The following COL27A1 variants were observed in gnomAD, a reference collection of about 807,000 sequenced individuals.
COL27A1 encodes collagen type XXVII alpha 1 chain.
A neutral mutation model predicts 251.3 loss-of-function variants in COL27A1; 106 were observed. The observed-to-expected ratio is 0.42, with a 90% CI of 0.36 to 0.50. The LOEUF is 0.50. COL27A1 is among the 20% of genes least tolerant of loss of function. The pLI is 0.00. For missense variants in COL27A1, 2,325 were observed against 2,522.8 expected, an observed-to-expected ratio of 0.92 and a Z score of 1.68; for synonymous variants, 1,000 against 986.3, an observed-to-expected ratio of 1.01 and a Z score of -0.26.
At chr9:114,176,632 G>A (rs970956954) in intron 3 of COL27A1, among the ~76,000 whole-genome samples, 39 of 152,094 alleles carry the variant, frequency 2.6e-4, no homozygotes, top group African/African-American at 8.7e-4. Context: ...GGGTAAGACT[G>A]GCACCCAGAG....
intron 3 of COL27A1, among the ~76,000 whole-genome samples, chr9:114,177,976 A>G (rs1827599518): frequency 6.6e-6 from 1 of 152,244 alleles, no homozygotes; most frequent in South Asian, 2.1e-4. Flanking sequence ...TAATTCCCCA[A>G]GTAAGATAGC....
At chr9:114,182,978 GT>G (rs1828048476) in intron 4 of COL27A1, 43 bp from the exon 5 acceptor site, 1 of 1,584,652 alleles carries the variant, frequency 6.3e-7, no homozygotes, top group South Asian at 1.1e-5. Context: ...GATGGCCCCT[GT>G]TTTTTGTCAC....
At position 114,309,367 on chromosome 9, in the gene COL27A1, G is replaced by A. The variant is rs1456752771; in HGVS notation, c.5325G>A (p.Glu1775=). 2 of 1,613,990 alleles carry A rather than the reference G, an allele frequency of 1.2e-6. No individual in the cohort carries two copies. Among genetic ancestry groups the A allele is most frequent in the Admixed American group, 3.3e-5 (2 of 60,002 alleles). ...IHCLNMTVWQ[E]GTGQTPAKQA... ...GCCTTAACATGACCGTGTGGCAGGAGGGCACTGGGCAGACCCCAGCCAAGC... is the reference window on the plus strand; with the variant it reads ...GCCTTAACATGACCGTGTGGCAGGAAGGCACTGGGCAGACCCCAGCCAAGC... The change falls in exon 60 of 61, where the codon GAG becomes GAA. Residue 1775 remains glutamate (E), a synonymous_variant. Transcript: ENST00000356083.
intron 10 of COL27A1, among the ~76,000 whole-genome samples, chr9:114,208,266 C>G (rs1047371707): frequency 6.6e-6 from 1 of 152,060 alleles, no homozygotes; most frequent in Non-Finnish European, 1.5e-5. Flanking sequence ...AGCGAAACCC[C>G]GTCTCTACTA....
At chr9:114,198,647 A>C (rs1449823571) in intron 7 of COL27A1, among the ~76,000 whole-genome samples, 1 of 152,208 alleles carries the variant, frequency 6.6e-6, no homozygotes, top group East Asian at 1.9e-4. Flanking sequence ...CACAAGGCTG[A>C]TTGAAACAGT....
chr9:114,205,278 T>G (rs1829870169), intron 8 of COL27A1, 132 bp downstream of exon 8: 2 of 783,284 alleles, frequency 2.6e-6, no homozygotes, highest in East Asian at 5.4e-5. Flanking sequence ...CTCACCCTGC[T>G]GGAGCCCCCA....
intron 58 of COL27A1, chr9:114,306,995 T>C: frequency 3.0e-6 from 1 of 336,890 alleles, no homozygotes; most frequent in Non-Finnish European, 5.6e-6. Context: ...TCCCCCTTTC[T>C]GAGCATGAGG....
rs144778308 is a variant in COL27A1 at position 114,309,408 on chromosome 9, G to A, written c.5366G>A (p.Arg1789Gln). The change falls in exon 60 of 61, where the codon CGG becomes CAG. Residue 1789 changes from arginine to glutamine, a missense_variant. Physicochemically the swap from Arg to Gln is conservative, Grantham distance 43. Coordinates refer to ENST00000356083, the MANE Select transcript of COL27A1 (RefSeq NM_032888.4). ...CCAGCCAAGCAGGCCGTACGCTTCCGGGCCTGGAATGGACAGATTTTTGAA... is the reference window on the plus strand; with the variant it reads ...CCAGCCAAGCAGGCCGTACGCTTCCAGGCCTGGAATGGACAGATTTTTGAA... Reference protein sequence around the residue: ...QTPAKQAVRFRAWNGQIFEAG... With the variant: ...QTPAKQAVRFQAWNGQIFEAG... The A allele has an allele frequency of 3.2e-5, 52 of 1,614,064 alleles. No individual in the cohort carries two copies. The African/African-American group carries it at 4.8e-4, about 15-fold the overall frequency.
Position 114,290,473 on chromosome 9 carries a change from C to A in COL27A1, c.4368+142C>A. The A allele has an allele frequency of 1.3e-6, 1 of 750,176 alleles. No individual in the cohort carries two copies. The highest frequency in any genetic ancestry group is 2.3e-6 in the Non-Finnish European group (1 of 439,184). 46.5% of individuals were successfully genotyped at this position (750,176 alleles called of 1,614,324 possible). Reference sequence around the variant, plus strand: ...ACATCCAGAAGTTCTCTGGGGTGGGCAACCATCTCCTCCCCTGGCACCTGG... The same window carrying A: ...ACATCCAGAAGTTCTCTGGGGTGGGAAACCATCTCCTCCCCTGGCACCTGG... On this transcript the variant is annotated intron_variant, in intron 47 of 60. Coordinates refer to ENST00000356083, the MANE Select transcript of COL27A1 (RefSeq NM_032888.4). This position sits in a 1 kb window ranked among gnomAD's most constrained non-coding sequence, Gnocchi z 4.6.
At chr9:114,234,833 G>A (rs889041176) in intron 16 of COL27A1, among the ~76,000 whole-genome samples, 11 of 151,538 alleles carry the variant, frequency 7.3e-5, no homozygotes, top group South Asian at 6.2e-4. Context: ...ATCCCAGCAC[G>A]AGGCGGGCAG....
chr9:114,223,425 A>G (rs962398552), intron 14 of COL27A1, among the ~76,000 whole-genome samples: 1 of 152,160 alleles, frequency 6.6e-6, no homozygotes, highest in African/African-American at 2.4e-5. Context: ...GAAGGCCCAG[A>G]TGTCCCCGTG....
rs367706340 is a variant in COL27A1, at chr9:114,288,938, C to G, written c.4123C>G (p.Arg1375Gly). Residue 1375 changes from arginine (R) to glycine (G), a missense_variant, in exon 44 of 61, where the codon CGT becomes GGT. Coordinates refer to ENST00000356083, the MANE Select transcript of COL27A1 (RefSeq NM_032888.4). The stretch of plus-strand genomic sequence containing the variant: ...GGGACAGGAGGGTGTGCAAGGCCTC[C>G]GTGGAAAGCCAGGCCAGCAGGGCCA... Reference protein sequence around the residue: ...YPGQEGVQGLRGKPGQQGQPG... With the variant: ...YPGQEGVQGLGGKPGQQGQPG... The G allele has an allele frequency of 1.2e-6, 2 of 1,613,568 alleles. No individual in the cohort carries two copies. The highest frequency in any genetic ancestry group is 1.3e-5 in the African/African-American group (1 of 74,932).
intron 27 of COL27A1, 73 bp from the exon 28 acceptor site, chr9:114,258,468 C>A: frequency 1.4e-6 from 2 of 1,474,736 alleles, no homozygotes; most frequent in South Asian, 1.2e-5. Context: ...AGCTTTGCCC[C>A]ACACTCCCAG....
Position 114,250,627 on chromosome 9 carries a change from T to C in COL27A1, c.2992T>C (p.Phe998Leu). 1.9e-6 allele frequency: 3 copies of C among 1,612,024 alleles called. No homozygotes were observed. The highest frequency in any genetic ancestry group is 2.5e-6 in the Non-Finnish European group (3 of 1,178,228). Residue 998 changes from phenylalanine to leucine, a missense_variant, in exon 25 of 61, where the codon TTC becomes CTC. Coordinates refer to ENST00000356083, the MANE Select transcript of COL27A1 (RefSeq NM_032888.4). The stretch of plus-strand genomic sequence containing the variant: ...ATGTGTCTCATAGGGATTTATGGGA[T>C]TCATTGGTCTGGTCGGGGAGCCAGG... ...GPVGEQGFMG[F>L]IGLVGEPGIV...
At chr9:114,266,681 C>A in intron 33 of COL27A1, 63 bp downstream of exon 33, 4 of 1,442,508 alleles carry the variant, frequency 2.8e-6, no homozygotes, top group Non-Finnish European at 3.9e-6. Context: ...CCCTTCCCTT[C>A]CCTCCTCCCC....
intron 49 of COL27A1, among the ~76,000 whole-genome samples, chr9:114,297,107 G>A (rs2131646316): frequency 6.6e-6 from 1 of 152,304 alleles, no homozygotes; most frequent in South Asian, 2.1e-4. Context: ...GGGGCTATGG[G>A]ATGTTATTGT....
chr9:114,300,117 A>G lies in COL27A1; in HGVS notation c.4632A>G (p.Gly1544=), dbSNP rs1588893878. ...TCCCAGGAATGGCAGGTCTCTTCGG[A>G]CCCAAGGTATGGACTCCCACGGCTC... ...MGFPGMAGLF[G]PKGPPGDIGF... Residue 1544 remains glycine (G), a synonymous_variant, in exon 50 of 61, where the codon GGA becomes GGG. Transcript: ENST00000356083. 6.2e-7 allele frequency: 1 copy of G among 1,614,012 alleles called. No homozygotes were observed. Among genetic ancestry groups the G allele is most frequent in the Non-Finnish European group, 8.5e-7 (1 of 1,179,954 alleles).
At chr9:114,189,587 G>A (rs534126147) in intron 5 of COL27A1, among the ~76,000 whole-genome samples, 14 of 152,006 alleles carry the variant, frequency 9.2e-5, no homozygotes, top group Admixed American at 2.0e-4. Context: ...AAGAATTGCC[G>A]TCTTTAAAAT....
chr9:114,171,392 G>A (rs1482151481), intron 3 of COL27A1, among the ~76,000 whole-genome samples: 1 of 152,194 alleles, frequency 6.6e-6, no homozygotes. Flanking sequence ...TCAGATCTGG[G>A]GGACTGGGGG....
Sources: gnomAD v4.1 joint callset for allele counts (sites outside exome capture counted in the v4.1 genomes callset) on GRCh38, gnomAD v4.1.1 for gene constraint, Gnocchi (gnomAD v3.1) non-coding constraint, MANE v1.5 for transcripts, NCBI Gene and HGNC (gene_info 2026-07-23, HGNC 2026-07-21) for gene names.